CCDC93: variants seen among roughly 807,000 people sequenced by gnomAD.
CCDC93 encodes coiled-coil domain-containing protein 93.
In CCDC93, 61 loss-of-function variants were observed where a neutral mutation model predicts 108.2. That is an observed-to-expected ratio of 0.56 (90% CI 0.46 to 0.70). The LOEUF is 0.70. Among genes scored for constraint, CCDC93 ranks in the 30% least tolerant of loss-of-function variants. The pLI, the probability that CCDC93 is intolerant of heterozygous loss-of-function variation, is 0.00. For synonymous variants in CCDC93, 276 were observed against 260.4 expected (o/e 1.06, Z -0.58); for missense variants, 685 against 764.2 (o/e 0.90, Z 1.22).
At chr2:118,010,107 T>TTTTGTTTG (rs146493058) in intron 1 of CCDC93, among the ~76,000 whole-genome samples, 13 of 150,840 alleles carry the variant, frequency 8.6e-5, no homozygotes, top group Admixed American at 3.9e-4. Context: ...ACGCCCGTTT[T>TTTTGTTTG]TTTGTTTGTT....
At chr2:117,970,910 C>A (rs201636889) in intron 11 of CCDC93, among the ~76,000 whole-genome samples, 1 of 152,096 alleles carries the variant, frequency 6.6e-6, no homozygotes, top group East Asian at 1.9e-4. Context: ...GAGTGATAAC[C>A]AATCATCCAA....
chr2:117,962,695 A>C (rs72838009), intron 11 of CCDC93, among the ~76,000 whole-genome samples: 2 of 152,192 alleles, frequency 1.3e-5, no homozygotes, highest in Non-Finnish European at 2.9e-5. Flanking sequence ...TTATTTAAAA[A>C]TGTTTTTAAA....
intron 15 of CCDC93, among the ~76,000 whole-genome samples, chr2:117,947,555 T>C (rs1291441300): frequency 6.6e-6 from 1 of 152,232 alleles, no homozygotes; most frequent in Non-Finnish European, 1.5e-5. Context: ...AAATATATTT[T>C]TGCAAAAACT....
chr2:118,013,890 G>A, intron 1 of CCDC93, 64 bp downstream of exon 1: 2 of 1,441,286 alleles, frequency 1.4e-6, no homozygotes, highest in Middle Eastern at 2.0e-4. Context: ...TCAGCCCGCC[G>A]CCCCGCGGCT....
At chr2:117,989,065 C>T (rs1191453555) in intron 6 of CCDC93, among the ~76,000 whole-genome samples, 1 of 152,212 alleles carries the variant, frequency 6.6e-6, no homozygotes, top group Non-Finnish European at 1.5e-5. Flanking sequence ...CAAAAGTTGA[C>T]CAGCACAAAC....
chr2:117,923,661 C>T (rs1677968226), intron 23 of CCDC93, among the ~76,000 whole-genome samples: 1 of 117,490 alleles, frequency 8.5e-6, no homozygotes, highest in Admixed American at 8.3e-5. Flanking sequence ...AGGAGGCCTG[C>T]CTGCCTGCCT....
At chr2:117,935,284 G>A (rs17569842) in intron 22 of CCDC93, among the ~76,000 whole-genome samples, 11,952 of 152,184 alleles carry the variant, frequency 0.079, 573 homozygotes, top group Admixed American at 0.11. Context: ...ACTGCTAACA[G>A]CAACTTTTGA....
intron 1 of CCDC93, chr2:118,009,099 G>A (rs1421946637): frequency 1.9e-5 from 3 of 154,646 alleles, no homozygotes; most frequent in East Asian, 1.9e-4. Context: ...GGGCCGGCGT[G>A]GGGGCTCACA....
chr2:117,932,081 C>T (rs1678355953), intron 22 of CCDC93, among the ~76,000 whole-genome samples: 1 of 152,052 alleles, frequency 6.6e-6, no homozygotes. Context: ...TGCATGGCCT[C>T]CTCAGCCTGG....
intron 7 of CCDC93, among the ~76,000 whole-genome samples, chr2:117,979,974 G>C (rs1022992875): frequency 3.9e-5 from 6 of 152,212 alleles, no homozygotes; most frequent in Non-Finnish European, 7.3e-5. Context: ...CATTGTGTTG[G>C]TGTGGATCAC....
At chr2:117,958,178 C>A (rs1405360936) in intron 12 of CCDC93, among the ~76,000 whole-genome samples, 187 bp downstream of exon 12, 1 of 152,190 alleles carries the variant, frequency 6.6e-6, no homozygotes. Context: ...GCCACTGTAG[C>A]CTGAAAGCAG....
At chr2:117,975,007 G>T in intron 9 of CCDC93, 107 bp from the exon 10 acceptor site, 1 of 1,123,784 alleles carries the variant, frequency 8.9e-7, no homozygotes, top group Non-Finnish European at 1.3e-6. Context: ...TGTCTTCCTT[G>T]ATCTCGTCTT....
At chr2:117,988,231 C>G (rs952865460) in intron 6 of CCDC93, among the ~76,000 whole-genome samples, 1 of 152,090 alleles carries the variant, frequency 6.6e-6, no homozygotes, top group African/African-American at 2.4e-5. Context: ...AGAACTCTTA[C>G]ACTGTGAGAG....
In CCDC93 at chr2:117,918,036, A is replaced by T. The variant is rs1558761352; in HGVS notation, c.*2307T>A. 1 of 129,008 alleles carries T rather than the reference A, an allele frequency of 7.8e-6. No homozygotes were observed. Among genetic ancestry groups the T allele is most frequent in the Non-Finnish European group, 1.7e-5 (1 of 59,610 alleles). The allele number at this position is 129,008 out of a possible 1,614,324, so 8.0% of individuals were successfully genotyped here. On this transcript the variant is annotated 3_prime_UTR_variant, in exon 24 of 24. Coordinates refer to ENST00000376300, the MANE Select transcript of CCDC93 (RefSeq NM_019044.5). ...CTGTGGGCTTAGAGCACAATTCCATACTATGTCTGTCTAAGCACACAGAGC... is the reference window on the plus strand; with the variant it reads ...CTGTGGGCTTAGAGCACAATTCCATTCTATGTCTGTCTAAGCACACAGAGC...
At chr2:117,949,734 A>G (rs1293642975) in intron 13 of CCDC93, 1 of 984,880 alleles carries the variant, frequency 1.0e-6, no homozygotes, top group African/African-American at 1.7e-5. Flanking sequence ...AAAAGTTCCA[A>G]GAGGTCTAGT....
chr2:117,996,766 A>G (rs1412138566), intron 4 of CCDC93: 2 of 157,692 alleles, frequency 1.3e-5, no homozygotes, highest in Non-Finnish European at 2.8e-5. Flanking sequence ...CTACTGGCAG[A>G]TCTTCATGTA....
chr2:117,969,621 G>C (rs866069121), intron 11 of CCDC93, among the ~76,000 whole-genome samples: 8 of 152,316 alleles, frequency 5.3e-5, no homozygotes, highest in African/African-American at 1.9e-4. Flanking sequence ...AGGCTGACTT[G>C]CACTCATAAC....
intron 7 of CCDC93, among the ~76,000 whole-genome samples, chr2:117,983,630 TTATATATATATATATATATATATA>T (rs66879401): frequency 3.1e-4 from 31 of 98,610 alleles, no homozygotes; most frequent in African/African-American, 9.0e-4. Flanking sequence ...CTGCTCAAAA[TTATATATATATATATATATATATA>T]TATATATATA....
At chr2:117,999,812 T>C (rs536873074) in intron 4 of CCDC93, 1 of 152,246 alleles carries the variant, frequency 6.6e-6, no homozygotes, top group African/African-American at 2.4e-5. Flanking sequence ...TTTATTACTT[T>C]CTTTTTCCAG....
Sources: gnomAD v4.1 joint callset for allele counts (sites outside exome capture counted in the v4.1 genomes callset) on GRCh38, gnomAD v4.1.1 for gene constraint, MANE v1.5 for transcripts, NCBI Gene and HGNC (gene_info 2026-07-23, HGNC 2026-07-21) for gene names.